The following DPP10 variants were observed in gnomAD, a reference collection of about 807,000 sequenced individuals.
DPP10 encodes the protein inactive dipeptidyl peptidase 10.
A neutral mutation model predicts 120.9 loss-of-function variants in DPP10; 33 were observed. That is an observed-to-expected ratio of 0.27 (90% CI 0.21 to 0.37). DPP10 has a LOEUF of 0.37. Ranked by LOEUF, DPP10 falls within the 10% of genes least tolerant of loss-of-function variation. The probability of loss-of-function intolerance (pLI) is 1.00; values close to 1 mark genes in which losing one functional copy is unlikely to be tolerated. For synonymous variants in DPP10, 337 were observed against 326.1 expected (o/e 1.03, Z -0.36); for missense variants, 816 against 942.8 (o/e 0.87, Z 1.76).
chr2:114,946,093 A>G (rs563527709), intron 1 of DPP10, among the ~76,000 whole-genome samples: 4 of 152,340 alleles, frequency 2.6e-5, no homozygotes, highest in Admixed American at 6.5e-5. Flanking sequence ...AGACATGTCA[A>G]CTAAATGTAA....
chr2:115,171,405 A>G (rs1430588533), intron 1 of DPP10, among the ~76,000 whole-genome samples: 4 of 151,852 alleles, frequency 2.6e-5, no homozygotes, highest in African/African-American at 4.8e-5. Context: ...GAAAAAGAAT[A>G]GTTGGATATT....
At chr2:115,612,971 T>C (rs900577836) in intron 5 of DPP10, among the ~76,000 whole-genome samples, 24 of 152,110 alleles carry the variant, frequency 1.6e-4, no homozygotes, top group Non-Finnish European at 7.4e-5. Context: ...TTGTATAAAA[T>C]GGTACATAAA....
chr2:115,840,067 A>G (rs903564466), intron 24 of DPP10, among the ~76,000 whole-genome samples: 3 of 152,054 alleles, frequency 2.0e-5, no homozygotes, highest in Non-Finnish European at 4.4e-5. Flanking sequence ...GGTTTCCTGT[A>G]TTAATATCCA....
At chr2:115,685,712 G>A (rs546935462) in intron 5 of DPP10, among the ~76,000 whole-genome samples, 1 of 151,964 alleles carries the variant, frequency 6.6e-6, no homozygotes, top group African/African-American at 2.4e-5. Context: ...TGTGGTGCCT[G>A]TATCAAAGAT....
At chr2:115,132,828 A>G (rs1290809145) in intron 1 of DPP10, among the ~76,000 whole-genome samples, 2 of 152,062 alleles carry the variant, frequency 1.3e-5, no homozygotes, top group Non-Finnish European at 2.9e-5. Flanking sequence ...TCCTATTTTG[A>G]GATGGTTCAT....
chr2:115,052,442 A>G (rs1419400534), intron 1 of DPP10, among the ~76,000 whole-genome samples: 4 of 152,198 alleles, frequency 2.6e-5, no homozygotes, highest in African/African-American at 9.6e-5. Context: ...TAAGGGTTTA[A>G]TATCCAGAAT....
At chr2:115,601,887 T>C (rs930647893) in intron 5 of DPP10, among the ~76,000 whole-genome samples, 1 of 151,668 alleles carries the variant, frequency 6.6e-6, no homozygotes, top group African/African-American at 2.4e-5. Context: ...TTCACCATAT[T>C]AGCCAAGATG....
chr2:115,241,536 A>G (rs1234037764), intron 1 of DPP10, among the ~76,000 whole-genome samples: 1 of 152,194 alleles, frequency 6.6e-6, no homozygotes, highest in Non-Finnish European at 1.5e-5. Context: ...TTTGTGATTC[A>G]CAATAAATCA....
At chr2:114,663,664 TATATAGAGAG>T (rs1388616127) in intron 1 of DPP10, among the ~76,000 whole-genome samples, 3 of 95,464 alleles carry the variant, frequency 3.1e-5, no homozygotes, top group Admixed American at 2.0e-4. Context: ...TATATATATA[TATATAGAGAG>T]AGAGAGAGAG....
At position 115,755,927 on chromosome 2, in the gene DPP10, A is replaced by T. The variant is rs555955362; in HGVS notation, c.1074+2630A>T. On this transcript the variant is annotated intron_variant, in intron 11 of 25. Coordinates refer to ENST00000410059, the MANE Select transcript of DPP10 (RefSeq NM_020868.6). Reference sequence around the variant, plus strand: ...AAAAAGTATATATGTATGCTTTTTTAAAAAGTGTGTGTGTGTGTATATATA... The same window carrying T: ...AAAAAGTATATATGTATGCTTTTTTTAAAAGTGTGTGTGTGTGTATATATA... Among the ~76,000 whole-genome samples, 3 of 107,716 alleles carry T rather than the reference A, an allele frequency of 2.8e-5. No individual in the cohort carries two copies. In the South Asian group the frequency reaches 9.7e-4, roughly 35 times the overall value. The allele number at this position is 107,716 out of a possible 152,430, so 70.7% of individuals were successfully genotyped here. A position where few individuals can be genotyped will look rare whatever the true frequency, so the allele number is the denominator to read the frequency against.
chr2:114,805,140 C>A (rs752293293), intron 1 of DPP10, among the ~76,000 whole-genome samples: 1 of 152,116 alleles, frequency 6.6e-6, no homozygotes, highest in Non-Finnish European at 1.5e-5. Context: ...GTAAGAAGTG[C>A]CTTTCACCTC....
At chr2:115,617,270 TTTTA>T (rs2084584357) in intron 5 of DPP10, among the ~76,000 whole-genome samples, 1 of 1,438 alleles carries the variant, frequency 7.0e-4, no homozygotes, top group African/African-American at 8.7e-4. Context: ...TATATATATT[TTTTA>T]TATATATATA....
chr2:114,923,579 C>T (rs949868723), intron 1 of DPP10, among the ~76,000 whole-genome samples: 10 of 147,458 alleles, frequency 6.8e-5, no homozygotes, highest in South Asian at 4.5e-4. Context: ...CCTGGGTTCA[C>T]GCCATTCTCC....
intron 3 of DPP10, among the ~76,000 whole-genome samples, chr2:115,373,270 C>T (rs1390759992): frequency 6.6e-6 from 1 of 152,304 alleles, no homozygotes; most frequent in Non-Finnish European, 1.5e-5. Context: ...GAAAATCTTA[C>T]TATGCATCTT....
intron 3 of DPP10, among the ~76,000 whole-genome samples, chr2:115,350,540 T>C (rs912695041): frequency 6.6e-6 from 1 of 152,104 alleles, no homozygotes; most frequent in Non-Finnish European, 1.5e-5. Flanking sequence ...TGCATTCAGC[T>C]AGACAAATAT....
intron 3 of DPP10, among the ~76,000 whole-genome samples, chr2:115,368,963 A>G (rs1014660803): frequency 1.3e-5 from 2 of 151,724 alleles, no homozygotes; most frequent in African/African-American, 4.8e-5. Flanking sequence ...GCTTTATTTT[A>G]TTTTCTCAAG....
At position 114,898,909 on chromosome 2, in the gene DPP10, G is replaced by T. The variant is rs115182966; in HGVS notation, c.61-410330G>T. 2.2e-3 allele frequency among the ~76,000 whole-genome samples: 331 copies of T among 152,224 alleles called. 1 individual carries two copies. Among genetic ancestry groups the T allele is most frequent in the African/African-American group, 7.6e-3 (315 of 41,538 alleles). On this transcript the variant is annotated intron_variant, in intron 1 of 25. Coordinates refer to ENST00000410059, the MANE Select transcript of DPP10 (RefSeq NM_020868.6). ...CTTGTATTTAATATGCACAACAACT[G>T]CAGGTCATTAATTCTCTGAGTCTTT...
At chr2:115,723,768 A>T (rs2092704241) in intron 7 of DPP10, among the ~76,000 whole-genome samples, 2 of 152,290 alleles carry the variant, frequency 1.3e-5, no homozygotes, top group South Asian at 2.1e-4. Context: ...GACAGTTTTC[A>T]CTGCATCCCT....
At chr2:115,032,882 CAA>C (rs1380337520) in intron 1 of DPP10, among the ~76,000 whole-genome samples, 86 of 83,008 alleles carry the variant, frequency 1.0e-3, no homozygotes, top group Non-Finnish European at 9.8e-4. Context: ...AAGACTCCGT[CAA>C]AAAAAAAAAA....
Sources: allele counts gnomAD v4.1 joint callset (sites outside exome capture counted in the v4.1 genomes callset), GRCh38; gene constraint gnomAD v4.1.1; transcripts MANE v1.5; gene names NCBI Gene and HGNC (gene_info 2026-07-23, HGNC 2026-07-21).